Variants in NRXN3 observed in about 807,000 individuals in gnomAD.
NRXN3 encodes neurexin 3.
In NRXN3, 32 loss-of-function variants were observed where a neutral mutation model predicts 137.6. That is an observed-to-expected ratio of 0.23 (90% CI 0.18 to 0.31). The LOEUF is 0.31. Among genes scored for constraint, NRXN3 ranks in the 10% least tolerant of loss-of-function variants. The pLI, the probability that NRXN3 is intolerant of heterozygous loss-of-function variation, is 1.00. For missense variants in NRXN3, 1,574 were observed against 2,062.5 expected (o/e 0.76, Z 4.59); for synonymous variants, 798 against 784.5 (o/e 1.02, Z -0.29).
intron 19 of NRXN3, among the ~76,000 whole-genome samples, chr14:79,803,901 A>G (rs774237806): frequency 2.2e-3 from 239 of 110,436 alleles, no homozygotes; most frequent in Middle Eastern, 6.0e-3. Context: ...GTGTGTGTGT[A>G]TATATATATA....
intron 4 of NRXN3, among the ~76,000 whole-genome samples, chr14:78,602,976 G>T (rs369430167): frequency 2.4e-4 from 37 of 152,240 alleles, no homozygotes; most frequent in Admixed American, 1.4e-3. Flanking sequence ...TGTGCTTAGC[G>T]TGGGGAGACA....
At chr14:79,631,540 C>T (rs565132602) in intron 16 of NRXN3, among the ~76,000 whole-genome samples, 345 of 152,346 alleles carry the variant, frequency 2.3e-3, no homozygotes, top group Non-Finnish European at 3.8e-3. Flanking sequence ...TGGGCGCAGC[C>T]GGCTGATGCC....
intron 4 of NRXN3, chr14:78,614,952 T>C (rs2097332893): frequency 2.2e-6 from 1 of 456,550 alleles, no homozygotes; most frequent in African/African-American, 2.0e-5. Context: ...CCCAGTTTTC[T>C]GCCGTGGGAT....
At position 78,425,692 on chromosome 14, in the gene NRXN3, G is replaced by T. The variant is rs142283508; in HGVS notation, c.757+127832G>T. Among the ~76,000 whole-genome samples, 7 of 152,262 alleles carry T rather than the reference G, an allele frequency of 4.6e-5. No individual in the cohort carries two copies. In the East Asian group the frequency reaches 1.4e-3, roughly 29 times the overall value. ...GAGTAATAATTTGGTGATTTCAGAAGCAGCCCTCAGAATAATATATTTTCT... is the reference window on the plus strand; with the variant it reads ...GAGTAATAATTTGGTGATTTCAGAATCAGCCCTCAGAATAATATATTTTCT... On this transcript the variant is annotated intron_variant, in intron 4 of 20. Transcript: ENST00000335750.
intron 10 of NRXN3, among the ~76,000 whole-genome samples, chr14:78,876,468 T>G (rs1438895049): frequency 6.6e-6 from 1 of 152,150 alleles, no homozygotes; most frequent in Non-Finnish European, 1.5e-5. Context: ...CTAATTAGAT[T>G]CATAGTGTAC....
intron 19 of NRXN3, among the ~76,000 whole-genome samples, chr14:79,768,839 C>A (rs1203402069): frequency 6.6e-6 from 1 of 152,020 alleles, no homozygotes; most frequent in East Asian, 1.9e-4. Context: ...TACGGGAGGA[C>A]ATTCAAACCA....
At chr14:79,785,692 A>G (rs1432418005) in intron 19 of NRXN3, among the ~76,000 whole-genome samples, 1 of 152,114 alleles carries the variant, frequency 6.6e-6, no homozygotes, top group Non-Finnish European at 1.5e-5. Flanking sequence ...GGGCCACTTC[A>G]TATGGCTTTT....
intron 15 of NRXN3, among the ~76,000 whole-genome samples, chr14:79,360,014 T>C (rs1407984251): frequency 6.6e-6 from 1 of 152,228 alleles, no homozygotes; most frequent in East Asian, 1.9e-4. Flanking sequence ...TTTGACATTT[T>C]CGATTATGGA....
intron 6 of NRXN3, among the ~76,000 whole-genome samples, chr14:78,664,426 G>C (rs571896204): frequency 2.6e-4 from 39 of 152,178 alleles, no homozygotes; most frequent in African/African-American, 6.0e-4. Flanking sequence ...CCTTCAGCTA[G>C]AGACATACTC....
intron 3 of NRXN3, chr14:78,283,511 A>AT (rs879470516): frequency 3.4e-3 from 485 of 143,624 alleles, no homozygotes; most frequent in African/African-American, 7.1e-3. Context: ...TCTGGCTAAC[A>AT]TTTTTTTTTT....
intron 15 of NRXN3, among the ~76,000 whole-genome samples, chr14:79,253,581 A>G (rs1218002392): frequency 3.3e-5 from 5 of 152,214 alleles, no homozygotes; most frequent in Non-Finnish European, 7.3e-5. Flanking sequence ...TATGAAGAAA[A>G]GAGGTTTAAT....
chr14:78,391,620 A>T (rs148263320), intron 4 of NRXN3, among the ~76,000 whole-genome samples: 123 of 152,258 alleles, frequency 8.1e-4, no homozygotes, highest in African/African-American at 2.9e-3. Context: ...GCTATAAAGG[A>T]TTGCTGTAAC....
chr14:78,797,551 G>A (rs117508483), intron 8 of NRXN3, among the ~76,000 whole-genome samples: 2,466 of 152,278 alleles, frequency 0.016, 29 homozygotes, highest in Non-Finnish European at 0.026. Flanking sequence ...AATACATATT[G>A]TATATGTCTA....
intron 4 of NRXN3, among the ~76,000 whole-genome samples, chr14:78,580,591 A>G (rs892625191): frequency 6.6e-6 from 1 of 152,120 alleles, no homozygotes; most frequent in Non-Finnish European, 1.5e-5. Flanking sequence ...TTTAGTCTCA[A>G]TTTAAGGTAG....
intron 4 of NRXN3, among the ~76,000 whole-genome samples, chr14:78,496,938 T>C (rs893363787): frequency 2.0e-5 from 3 of 152,104 alleles, no homozygotes; most frequent in African/African-American, 7.2e-5. Flanking sequence ...TTAACTCATG[T>C]GACTAGCATG....
chr14:78,408,899 C>T lies in NRXN3; in HGVS notation c.757+111039C>T, dbSNP rs189652742. On this transcript the variant is annotated intron_variant, in intron 4 of 20. Coordinates refer to ENST00000335750, the MANE Select transcript of NRXN3 (RefSeq NM_001330195.2). ...GTTGAGAGCTGTCCTGGAATAGCTT[C>T]TACCTGACTTGTTTATTTCTCAGCT... 2.1e-3 allele frequency among the ~76,000 whole-genome samples: 317 copies of T among 152,344 alleles called. 1 individual carries two copies. Among genetic ancestry groups the T allele is most frequent in the Non-Finnish European group, 2.0e-3 (133 of 68,034 alleles).
chr14:79,861,990 G>A lies in NRXN3; in HGVS notation c.*26G>A. The A allele has an allele frequency of 1.3e-6, 2 of 1,547,576 alleles. No homozygotes were observed. Among genetic ancestry groups the A allele is most frequent in the Non-Finnish European group, 1.8e-6 (2 of 1,135,252 alleles). Reference sequence around the variant, plus strand: ...ACATGCGAACACTGCTCACACGCGAGTTTTCACAGTTATTTCTATCCACGC... The same window carrying A: ...ACATGCGAACACTGCTCACACGCGAATTTTCACAGTTATTTCTATCCACGC... On this transcript the variant is annotated 3_prime_UTR_variant, in exon 21 of 21. Coordinates refer to ENST00000335750, the MANE Select transcript of NRXN3 (RefSeq NM_001330195.2). The surrounding 1 kb of genome is among the most constrained non-coding windows in gnomAD (Gnocchi z 5.4).
chr14:78,373,700 G>A (rs1030034294), intron 4 of NRXN3, among the ~76,000 whole-genome samples: 2 of 152,212 alleles, frequency 1.3e-5, no homozygotes, highest in Non-Finnish European at 2.9e-5. Flanking sequence ...TGGTGTGATG[G>A]AAATGCAAGG....
intron 8 of NRXN3, among the ~76,000 whole-genome samples, chr14:78,778,720 TTCTTTCTTTCTC>T (rs1348581140): frequency 5.5e-5 from 8 of 146,726 alleles, no homozygotes; most frequent in South Asian, 2.2e-4. Context: ...CTTTCTTTCT[TTCTTTCTTTCTC>T]TCTCTCTTTC....
Sources: allele counts gnomAD v4.1 joint callset (sites outside exome capture counted in the v4.1 genomes callset), GRCh38; gene constraint gnomAD v4.1.1; non-coding constraint Gnocchi (gnomAD v3.1); transcripts MANE v1.5; gene names NCBI Gene and HGNC (gene_info 2026-07-23, HGNC 2026-07-21).